The following OOEP variants were observed in gnomAD, a reference collection of about 807,000 sequenced individuals.
OOEP encodes the protein oocyte expressed protein.
OOEP carries 16 observed loss-of-function variants against 13.7 expected under a neutral mutation model. The observed-to-expected ratio is 1.16, with a 90% CI of 0.79 to 1.77. The LOEUF is 1.77. Among genes scored for constraint, OOEP ranks in the 40% most tolerant of loss-of-function variants. The pLI is 0.00. For synonymous variants in OOEP, 89 were observed against 77.1 expected (o/e 1.15, Z -0.81); for missense variants, 195 against 193.1 (o/e 1.01, Z -0.06).
At chr6:73,379,815 T>G (rs1769178167) in intron 2 of OOEP, among the ~76,000 whole-genome samples, 1 of 152,094 alleles carries the variant, frequency 6.6e-6, no homozygotes, top group Admixed American at 6.6e-5. Context: ...TCCAGAGCTC[T>G]GAGCTCAAGC....
At chr6:73,381,235 GAAA>G (rs1288549012) in intron 2 of OOEP, among the ~76,000 whole-genome samples, 2 of 121,140 alleles carry the variant, frequency 1.7e-5, no homozygotes, top group Non-Finnish European at 3.6e-5. Context: ...AAAAGAAGAA[GAAA>G]AAGAAGAAGA....
rs891507935 is a variant in OOEP at position 73,369,759 on chromosome 6, G to T, written c.34C>A (p.Arg12=). 1 of 1,613,730 alleles carries T rather than the reference G, an allele frequency of 6.2e-7. No individual in the cohort carries two copies. The highest frequency in any genetic ancestry group is 1.1e-5 in the South Asian group (1 of 91,088). The change falls in exon 1 of 3, where the codon CGG becomes AGG. Residue 12 remains arginine, a synonymous_variant. Transcript: ENST00000370359. ...VDDAGAAESQ[R]GKQTPAHSLE... is the part of the protein sequence containing the mutation. ...GAGTGGGCCGGAGTCTGTTTGCCCCGCTGGGACTCAGCGGCACCAGCATCA... is the reference window on the plus strand; with the variant it reads ...GAGTGGGCCGGAGTCTGTTTGCCCCTCTGGGACTCAGCGGCACCAGCATCA...
intron 2 of OOEP, among the ~76,000 whole-genome samples, chr6:73,380,768 C>T (rs1381621204): frequency 6.6e-6 from 1 of 151,968 alleles, no homozygotes; most frequent in East Asian, 1.9e-4. Context: ...TTAGTCTCAA[C>T]AGATTGTGAT....
At chr6:73,377,524 A>G (rs557657459) in intron 2 of OOEP, among the ~76,000 whole-genome samples, 2 of 152,156 alleles carry the variant, frequency 1.3e-5, no homozygotes, top group Admixed American at 6.6e-5. Context: ...TCTCTACTCA[A>G]ATGTTTCTCT....
chr6:73,376,042 CAA>C (rs1353645770), intron 2 of OOEP, among the ~76,000 whole-genome samples: 1 of 152,208 alleles, frequency 6.6e-6, no homozygotes, highest in Non-Finnish European at 1.5e-5. Context: ...CCTCAGCCTC[CAA>C]AAGTGTTGTG....
intron 2 of OOEP, among the ~76,000 whole-genome samples, chr6:73,386,733 A>G (rs916608721): frequency 2.0e-5 from 3 of 152,046 alleles, no homozygotes; most frequent in Non-Finnish European, 4.4e-5. Flanking sequence ...TTGGAGGCCA[A>G]GGCGGGTGGA....
intron 1 of OOEP, 37 bp downstream of exon 1, chr6:73,369,566 A>G: frequency 6.3e-7 from 1 of 1,597,302 alleles, no homozygotes; most frequent in Non-Finnish European, 8.6e-7. Flanking sequence ...CTCAGACTGG[A>G]GGTGGACAGC....
intron 2 of OOEP, among the ~76,000 whole-genome samples, chr6:73,380,389 G>A (rs1769190247): frequency 6.6e-6 from 1 of 151,660 alleles, no homozygotes; most frequent in African/African-American, 2.4e-5. Context: ...TTATTGAAAT[G>A]CACCAATAAC....
upstream of OOEP, among the ~76,000 whole-genome samples, chr6:73,372,014 T>A (rs1562277293): frequency 6.6e-6 from 1 of 151,904 alleles, no homozygotes; most frequent in Non-Finnish European, 1.5e-5. Context: ...AGGTGGAGGC[T>A]AGCAGATCGC....
chr6:73,392,034 G>A (rs1769353544), intron 2 of OOEP, among the ~76,000 whole-genome samples: 1 of 152,058 alleles, frequency 6.6e-6, no homozygotes, highest in African/African-American at 2.4e-5. Context: ...GAATAATTTT[G>A]GCCTCATAGA....
chr6:73,376,341 G>GTTT (rs1562278072), intron 2 of OOEP, among the ~76,000 whole-genome samples: 5 of 67,904 alleles, frequency 7.4e-5, no homozygotes, highest in Admixed American at 4.4e-4. Context: ...TGGACAAGGG[G>GTTT]TTGTTTTTTT....
chr6:73,378,320 G>T (rs1769159312), intron 2 of OOEP, among the ~76,000 whole-genome samples: 1 of 151,692 alleles, frequency 6.6e-6, no homozygotes, highest in African/African-American at 2.4e-5. Flanking sequence ...GGCCAGGCTG[G>T]TCTTGAACTC....
exon 1 of OOEP, chr6:73,394,741 A>G (rs572852755): frequency 7.2e-6 from 7 of 968,724 alleles, no homozygotes; most frequent in Non-Finnish European, 8.9e-6. Flanking sequence ...GCGTGAAATC[A>G]GTGCGAAGTG....
chr6:73,374,763 G>A (rs922677714), upstream of OOEP, among the ~76,000 whole-genome samples: 4 of 151,918 alleles, frequency 2.6e-5, no homozygotes, highest in African/African-American at 4.8e-5. Context: ...TCTCCTAATC[G>A]TTGTTTTGAT....
chr6:73,369,931 G>T, upstream of OOEP: 3 of 715,568 alleles, frequency 4.2e-6, no homozygotes, highest in Non-Finnish European at 4.6e-6. Context: ...CCGCGTCGGG[G>T]TGAGCGGGTG....
chr6:73,381,760 CACTTG>C (rs1769211727), intron 2 of OOEP, among the ~76,000 whole-genome samples: 1 of 152,108 alleles, frequency 6.6e-6, no homozygotes, highest in Non-Finnish European at 1.5e-5. Flanking sequence ...GTGGGTGGAT[CACTTG>C]AAGTCAGGAG....
chr6:73,377,268 A>G (rs1769149867), intron 2 of OOEP, among the ~76,000 whole-genome samples: 2 of 152,184 alleles, frequency 1.3e-5, no homozygotes, highest in South Asian at 4.1e-4. Flanking sequence ...TGAGACACAA[A>G]CTGGAGCCAA....
intron 2 of OOEP, among the ~76,000 whole-genome samples, chr6:73,376,322 C>T (rs1014129458): frequency 7.1e-6 from 1 of 140,178 alleles, no homozygotes; most frequent in Non-Finnish European, 1.5e-5. Context: ...AACTCAGTCG[C>T]AGCTGTTTTG....
rs777804987 is a variant in OOEP, at chr6:73,369,399, G to A, written c.191-14C>T. ...CTCGGTCTGGGCCTAAACAAGTAAG[G>A]AAAAACTCTGAGGGGCTGCACGGTG... is the stretch of plus-strand genomic sequence containing the variant. On this transcript the variant is annotated splice_polypyrimidine_tract_variant and intron_variant, in intron 1 of 2. Transcript: ENST00000370359. The A allele has an allele frequency of 4.7e-5, 76 of 1,604,714 alleles. No individual in the cohort carries two copies. In the Middle Eastern group the frequency reaches 5.0e-4, roughly 11 times the overall value.
Sources: allele counts gnomAD v4.1 joint callset (sites outside exome capture counted in the v4.1 genomes callset), GRCh38; gene constraint gnomAD v4.1.1; transcripts MANE v1.5; gene names NCBI Gene and HGNC (gene_info 2026-07-23, HGNC 2026-07-21).